The following ZFAT variants were observed in gnomAD, a reference collection of about 807,000 sequenced individuals.
ZFAT encodes zinc finger and AT-hook domain containing.
A neutral mutation model predicts 117.7 loss-of-function variants in ZFAT; 64 were observed. That is an observed-to-expected ratio of 0.54 (90% CI 0.44 to 0.67). ZFAT has a LOEUF of 0.67. Among genes scored for constraint, ZFAT ranks in the 30% least tolerant of loss-of-function variants. The probability of loss-of-function intolerance (pLI) is 0.00; values close to 1 mark genes in which losing one functional copy is unlikely to be tolerated. For synonymous variants in ZFAT, 679 were observed against 615.0 expected, an observed-to-expected ratio of 1.10 and a Z score of -1.54; for missense variants, 1,433 against 1,584.5, an observed-to-expected ratio of 0.90 and a Z score of 1.62.
intron 15 of ZFAT, among the ~76,000 whole-genome samples, chr8:134,486,744 C>T (rs566231451): frequency 6.6e-6 from 1 of 152,294 alleles, no homozygotes; most frequent in African/African-American, 2.4e-5. Context: ...AAGATCATCA[C>T]CACAGAGAAT....
intron 1 of ZFAT, among the ~76,000 whole-genome samples, chr8:134,698,126 C>T (rs139219174): frequency 6.6e-6 from 1 of 151,712 alleles, no homozygotes; most frequent in African/African-American, 2.4e-5. Flanking sequence ...AGTTCGAGAC[C>T]AGCCTGGCCA....
chr8:134,575,645 G>A (rs4909293), intron 10 of ZFAT, among the ~76,000 whole-genome samples: 34,556 of 152,102 alleles, frequency 0.23, 4,535 homozygotes, highest in East Asian at 0.53. Context: ...GGGGATCACT[G>A]TTCAAGACTG....
At chr8:134,637,948 T>A (rs529397496) in intron 2 of ZFAT, among the ~76,000 whole-genome samples, 1 of 152,360 alleles carries the variant, frequency 6.6e-6, no homozygotes, top group South Asian at 2.1e-4. Context: ...CATCAGTTTA[T>A]CAGCATCGCT....
chr8:134,731,968 G>T, the ZFAT span, among the ~76,000 whole-genome samples: 8 of 152,196 alleles, frequency 5.3e-5, no homozygotes, highest in African/African-American at 1.9e-4. Context: ...CCCAGAGTGG[G>T]TACAAACTTA....
the ZFAT span, among the ~76,000 whole-genome samples, chr8:134,788,521 T>C: frequency 6.6e-6 from 1 of 152,098 alleles, no homozygotes; most frequent in Admixed American, 6.6e-5. Context: ...GCTTTATGAC[T>C]CAAAATAGGG....
At chr8:134,527,579 G>C (rs1821114320) in intron 12 of ZFAT, among the ~76,000 whole-genome samples, 1 of 152,236 alleles carries the variant, frequency 6.6e-6, no homozygotes, top group African/African-American at 2.4e-5. Context: ...TTCAGAGCTA[G>C]GAAGTGCTTA....
the ZFAT span, among the ~76,000 whole-genome samples, chr8:134,831,893 G>T: frequency 6.6e-6 from 1 of 151,822 alleles, no homozygotes; most frequent in East Asian, 1.9e-4. Context: ...CCGAGAGCCT[G>T]TCAGCGCCCC....
At chr8:134,731,535 A>G in the ZFAT span, among the ~76,000 whole-genome samples, 2 of 152,252 alleles carry the variant, frequency 1.3e-5, no homozygotes, top group African/African-American at 4.8e-5. Flanking sequence ...ATAGACATAT[A>G]CAGAAATAAA....
Position 134,602,763 on chromosome 8 carries a change from C to A in ZFAT, c.956G>T (p.Arg319Leu). 6.2e-7 allele frequency: 1 copy of A among 1,613,744 alleles called. No individual in the cohort carries two copies. Among genetic ancestry groups the A allele is most frequent in the Non-Finnish European group, 8.5e-7 (1 of 1,179,700 alleles). ...GGCGAACTTCTCTCCAGTGTGCTTG[C>A]GCAGGTGCACATTGAGGTTGGCCTT... ...AIKANLNVHLRKHTGEKFACD... is the reference protein window; with the variant it reads ...AIKANLNVHLLKHTGEKFACD... The change falls in exon 6 of 16, where the codon CGC becomes CTC. Residue 319 changes from arginine (R) to leucine (L), a missense_variant. Arg to Leu is a moderately radical substitution (Grantham distance 102). This residue lies in a region of ZFAT where 436 missense variants were observed against 482.0 expected (regional missense o/e 0.90). Coordinates refer to ENST00000377838, the MANE Select transcript of ZFAT (RefSeq NM_020863.4).
chr8:134,824,093 C>A, the ZFAT span, among the ~76,000 whole-genome samples: 1 of 152,144 alleles, frequency 6.6e-6, no homozygotes, highest in African/African-American at 2.4e-5. Flanking sequence ...CAAGGGAGGC[C>A]ACGGTTACAA....
At chr8:134,773,093 CAAA>C in the ZFAT span, among the ~76,000 whole-genome samples, 16 of 104,052 alleles carry the variant, frequency 1.5e-4, no homozygotes, top group Admixed American at 4.2e-4. Flanking sequence ...AATCCCAATT[CAAA>C]AAAAAAAAAA....
intron 2 of ZFAT, among the ~76,000 whole-genome samples, chr8:134,645,409 A>C (rs1303643598): frequency 6.6e-6 from 1 of 152,236 alleles, no homozygotes; most frequent in Non-Finnish European, 1.5e-5. Flanking sequence ...ATTTTTTGTC[A>C]TGTTAAGAGG....
intron 7 of ZFAT, among the ~76,000 whole-genome samples, chr8:134,597,291 G>A (rs1827030933): frequency 6.6e-6 from 1 of 151,772 alleles, no homozygotes; most frequent in African/African-American, 2.4e-5. Flanking sequence ...TAAAAATCCT[G>A]GAGCCTGTTT....
intron 2 of ZFAT, among the ~76,000 whole-genome samples, chr8:134,643,742 T>C (rs1830719945): frequency 6.6e-6 from 1 of 152,174 alleles, no homozygotes; most frequent in Admixed American, 6.5e-5. Context: ...TTATGTTTGT[T>C]CACCCAGAAA....
chr8:134,831,458 G>T, the ZFAT span, among the ~76,000 whole-genome samples: 1 of 152,162 alleles, frequency 6.6e-6, no homozygotes, highest in South Asian at 2.1e-4. Flanking sequence ...CACACAGGCG[G>T]ATTCGTTCAT....
At chr8:134,637,254 A>C (rs998571013) in intron 3 of ZFAT, among the ~76,000 whole-genome samples, 2 of 152,272 alleles carry the variant, frequency 1.3e-5, no homozygotes, top group African/African-American at 4.8e-5. Context: ...CCTGCATGCC[A>C]TGGGCATCAA....
the ZFAT span, among the ~76,000 whole-genome samples, chr8:134,787,744 G>A: frequency 2.6e-5 from 4 of 151,722 alleles, no homozygotes; most frequent in Non-Finnish European, 5.9e-5. Context: ...TGAAGTTACA[G>A]ATTAATTTAC....
chr8:134,551,178 C>T (rs769730136), intron 11 of ZFAT, among the ~76,000 whole-genome samples: 5 of 152,230 alleles, frequency 3.3e-5, no homozygotes, highest in African/African-American at 9.6e-5. Context: ...AATGAGAAAG[C>T]GTGGACTAAC....
intron 1 of ZFAT, chr8:134,673,220 T>C (rs1047528104): frequency 2.0e-5 from 3 of 152,198 alleles, no homozygotes; most frequent in East Asian, 1.9e-4. Context: ...ACTCCAACAA[T>C]AGCATACAAG....
Sources: gnomAD v4.1 joint callset for allele counts (sites outside exome capture counted in the v4.1 genomes callset) on GRCh38, gnomAD v4.1.1 for gene constraint, gnomAD v4.1.1 regional missense constraint, MANE v1.5 for transcripts, NCBI Gene and HGNC (gene_info 2026-07-23, HGNC 2026-07-21) for gene names.